The following EFR3B variants were observed in gnomAD, a reference collection of about 807,000 sequenced individuals.
EFR3B encodes the protein protein EFR3 homolog B.
EFR3B carries 64 observed loss-of-function variants against 104.7 expected under a neutral mutation model. That is an observed-to-expected ratio of 0.61 (90% CI 0.50 to 0.75). EFR3B has a LOEUF of 0.75. Ranked by LOEUF, EFR3B falls within the 30% of genes least tolerant of loss-of-function variation. EFR3B has a pLI of 0.00. For synonymous variants in EFR3B, 385 were observed against 417.9 expected (o/e 0.92, Z 0.96); for missense variants, 750 against 1,078.5 (o/e 0.70, Z 4.27).
intron 5 of EFR3B, among the ~76,000 whole-genome samples, chr2:25,126,697 T>C (rs2149203131): frequency 6.6e-6 from 1 of 151,994 alleles, no homozygotes; most frequent in South Asian, 2.1e-4. Context: ...GATTTTGCCA[T>C]GTTGCCCAGG....
chr2:25,151,541 C>T (rs750817054), intron 20 of EFR3B, among the ~76,000 whole-genome samples: 12 of 152,190 alleles, frequency 7.9e-5, no homozygotes, highest in African/African-American at 2.9e-4. Context: ...CAAGTGTGAG[C>T]CACCGTGCCC....
At chr2:25,117,810 C>T (rs1669904281) in intron 4 of EFR3B, among the ~76,000 whole-genome samples, 1 of 152,148 alleles carries the variant, frequency 6.6e-6, no homozygotes, top group African/African-American at 2.4e-5. Context: ...AGCAATGCTC[C>T]TGGGTCATCT....
intron 3 of EFR3B, among the ~76,000 whole-genome samples, chr2:25,101,687 T>G (rs1184780021): frequency 6.6e-6 from 1 of 152,090 alleles, no homozygotes; most frequent in Non-Finnish European, 1.5e-5. Flanking sequence ...AGTCATGTGG[T>G]CTCACCTCAC....
At chr2:25,090,291 C>T (rs983871236) in intron 1 of EFR3B, among the ~76,000 whole-genome samples, 2 of 152,244 alleles carry the variant, frequency 1.3e-5, no homozygotes, top group East Asian at 1.9e-4. Flanking sequence ...CATGCCCGCC[C>T]GCCCCCTCAG....
chr2:25,100,304 T>C (rs1309083402), intron 3 of EFR3B, among the ~76,000 whole-genome samples: 1 of 152,250 alleles, frequency 6.6e-6, no homozygotes, highest in Non-Finnish European at 1.5e-5. Context: ...TCATCCTTTA[T>C]TACATTTACG....
At chr2:25,090,456 C>A (rs1669081599) in intron 1 of EFR3B, among the ~76,000 whole-genome samples, 1 of 152,248 alleles carries the variant, frequency 6.6e-6, no homozygotes, top group Admixed American at 6.5e-5. Context: ...ACCATCACTT[C>A]ACAGAACCAA....
chr2:25,061,579 C>T (rs1165936964), intron 1 of EFR3B, among the ~76,000 whole-genome samples: 1 of 151,930 alleles, frequency 6.6e-6, no homozygotes, highest in African/African-American at 2.4e-5. Context: ...CTGCAACCTC[C>T]ACCTCCCAGG....
chr2:25,131,895 C>A lies in EFR3B; in HGVS notation c.1131C>A (p.Ala377=). 1.3e-6 allele frequency: 2 copies of A among 1,523,046 alleles called. No individual in the cohort carries two copies. Among genetic ancestry groups the A allele is most frequent in the Non-Finnish European group, 1.8e-6 (2 of 1,132,360 alleles). 94.3% of individuals were successfully genotyped at this position (1,523,046 alleles called of 1,614,324 possible). Residue 377 remains alanine (A), a synonymous_variant, in exon 10 of 23, where the codon GCC becomes GCA. Coordinates refer to ENST00000403714, the MANE Select transcript of EFR3B (RefSeq NM_014971.2). The surrounding 1 kb of genome is among the most constrained non-coding windows in gnomAD (Gnocchi z 7.6). The part of the protein sequence containing the change: ...KEHEERMFQE[A]VIKTVGSFAS... ...ACGAGGAGCGCATGTTCCAGGAGGCCGTCATCAAGACCGTGGGTGCGGCGC... is the reference window on the plus strand; with the variant it reads ...ACGAGGAGCGCATGTTCCAGGAGGCAGTCATCAAGACCGTGGGTGCGGCGC...
chr2:25,114,950 C>A lies in EFR3B; in HGVS notation c.364-6723C>A, dbSNP rs1192126290. 6.6e-6 allele frequency among the ~76,000 whole-genome samples: 1 copy of A among 152,164 alleles called. No individual in the cohort carries two copies. Among genetic ancestry groups the A allele is most frequent in the Non-Finnish European group, 1.5e-5 (1 of 68,038 alleles). ...CCTGTAATCCCAGCACTTTGGGAAG[C>A]CAAGCTGGGTGGATCACTTGAGCCC... On this transcript the variant is annotated intron_variant, in intron 4 of 22. Coordinates refer to ENST00000403714, the MANE Select transcript of EFR3B (RefSeq NM_014971.2). This position sits in a 1 kb window ranked among gnomAD's most constrained non-coding sequence, Gnocchi z 4.0.
chr2:25,069,314 G>T (rs1019425266), intron 1 of EFR3B, among the ~76,000 whole-genome samples: 1 of 152,148 alleles, frequency 6.6e-6, no homozygotes, highest in Non-Finnish European at 1.5e-5. Flanking sequence ...TGTCTCTGGT[G>T]GCCACGATGT....
At chr2:25,129,331 C>CGGGGGCGGGGGCGGGGCGTGGGGT (rs2149204479) in intron 6 of EFR3B, among the ~76,000 whole-genome samples, 2 of 47,050 alleles carry the variant, frequency 4.3e-5, no homozygotes, top group South Asian at 1.3e-3. Context: ...GGGGCGGGGG[C>CGGGGGCGGGGGCGGGGCGTGGGGT]GGGGGCGGGG....
At chr2:25,050,707 G>A (rs1290971521) in intron 1 of EFR3B, among the ~76,000 whole-genome samples, 2 of 152,132 alleles carry the variant, frequency 1.3e-5, no homozygotes, top group African/African-American at 2.4e-5. Flanking sequence ...AGAAAAAAAT[G>A]CATATAAGCA....
intron 1 of EFR3B, among the ~76,000 whole-genome samples, chr2:25,065,824 T>A (rs1262508775): frequency 6.6e-6 from 1 of 152,186 alleles, no homozygotes; most frequent in Non-Finnish European, 1.5e-5. Flanking sequence ...CCCACCCGTG[T>A]CACACACTCA....
In EFR3B at chr2:25,059,438, A is replaced by G. The variant is rs551328496; in HGVS notation, c.7+17119A>G. 8.2e-4 allele frequency among the ~76,000 whole-genome samples: 125 copies of G among 152,214 alleles called. 1 individual carries two copies. In the Middle Eastern group the frequency reaches 0.017, roughly 21 times the overall value. On this transcript the variant is annotated intron_variant, in intron 1 of 22. Coordinates refer to ENST00000403714, the MANE Select transcript of EFR3B (RefSeq NM_014971.2). ...TTGACACATAGTACAACGTGGATGA[A>G]CCTTGAGGATATTATGGTAATGGAA...
At chr2:25,123,114 G>A (rs966337690) in intron 5 of EFR3B, among the ~76,000 whole-genome samples, 1 of 152,134 alleles carries the variant, frequency 6.6e-6, no homozygotes, top group Non-Finnish European at 1.5e-5. Context: ...TGTAATCTCA[G>A]TACTTTGGGA....
Position 25,131,415 on chromosome 2 carries a change from C to T in EFR3B, c.897C>T (p.Asp299=). The change falls in exon 9 of 23, where the codon GAC becomes GAT. Residue 299 remains aspartate, a synonymous_variant. Transcript: ENST00000403714. The surrounding 1 kb of genome is among the most constrained non-coding windows in gnomAD (Gnocchi z 7.6). ...TCCAGCAGCTCCTGGGCCACCTGGACGCCAACAGCCGCAGCGCTGCGACGG... is the reference window on the plus strand; with the variant it reads ...TCCAGCAGCTCCTGGGCCACCTGGATGCCAACAGCCGCAGCGCTGCGACGG... ...LVIQQLLGHL[D]ANSRSAATVR... is the part of the protein sequence containing the mutation. 8 of 1,550,818 alleles carry T rather than the reference C, an allele frequency of 5.2e-6. No homozygotes were observed. Among genetic ancestry groups the T allele is most frequent in the Non-Finnish European group, 7.0e-6 (8 of 1,146,870 alleles).
chr2:25,152,679 C>T (rs896811241), intron 21 of EFR3B, among the ~76,000 whole-genome samples: 3 of 152,052 alleles, frequency 2.0e-5, no homozygotes, highest in South Asian at 2.1e-4. Context: ...GATTCTATGC[C>T]GGGATTTATT....
At chr2:25,057,611 A>G (rs1668059298) in intron 1 of EFR3B, among the ~76,000 whole-genome samples, 1 of 151,950 alleles carries the variant, frequency 6.6e-6, no homozygotes, top group Non-Finnish European at 1.5e-5. Flanking sequence ...GAGAAACCCC[A>G]TCTCTACCAA....
At position 25,063,105 on chromosome 2, in the gene EFR3B, T is replaced by A. The variant is rs367653900; in HGVS notation, c.7+20786T>A. On this transcript the variant is annotated intron_variant, in intron 1 of 22. Transcript: ENST00000403714. Reference sequence around the variant, plus strand: ...CGCCCCACCCACCACCCCTGGCTAATTTTTTTGTATTTTTAGTAGAGACGG... The same window carrying A: ...CGCCCCACCCACCACCCCTGGCTAAATTTTTTGTATTTTTAGTAGAGACGG... 2.5e-3 allele frequency among the ~76,000 whole-genome samples: 245 copies of A among 99,704 alleles called. 2 individuals are homozygous for A. Among genetic ancestry groups the A allele is most frequent in the African/African-American group, 9.0e-3 (233 of 25,940 alleles). The allele number at this position is 99,704 out of a possible 152,430, so 65.4% of individuals were successfully genotyped here. A position where few individuals can be genotyped will look rare whatever the true frequency, so the allele number is the denominator to read the frequency against.
Sources: gnomAD v4.1 joint callset for allele counts (sites outside exome capture counted in the v4.1 genomes callset) on GRCh38, gnomAD v4.1.1 for gene constraint, Gnocchi (gnomAD v3.1) non-coding constraint, MANE v1.5 for transcripts, NCBI Gene and HGNC (gene_info 2026-07-23, HGNC 2026-07-21) for gene names.